The following UHRF1 variants were observed in gnomAD, a reference collection of about 807,000 sequenced individuals.
UHRF1 encodes ubiquitin like with PHD and ring finger domains 1.
In UHRF1, 9 loss-of-function variants were observed where a neutral mutation model predicts 96.5. The observed-to-expected ratio is 0.09, with a 90% CI of 0.06 to 0.16. The LOEUF (loss-of-function observed/expected upper bound fraction) is 0.16, where lower values mean the gene tolerates loss of function less well. UHRF1 is among the 10% of genes least tolerant of loss of function. The probability of loss-of-function intolerance (pLI) is 1.00; values close to 1 mark genes in which losing one functional copy is unlikely to be tolerated. For synonymous variants in UHRF1, 455 were observed against 469.9 expected (o/e 0.97, Z 0.41); for missense variants, 626 against 1,131.1 (o/e 0.55, Z 6.40).
At chr19:4,945,165 C>G (rs929802446) in intron 9 of UHRF1, among the ~76,000 whole-genome samples, 2 of 152,220 alleles carry the variant, frequency 1.3e-5, no homozygotes, top group African/African-American at 2.4e-5. Context: ...CAGGGCCTCT[C>G]AAGGCATTTT....
At chr19:4,907,954 T>C (rs1430671363), upstream of UHRF1, among the ~76,000 whole-genome samples, 1 of 151,980 alleles carries the variant, frequency 6.6e-6, no homozygotes, top group East Asian at 1.9e-4. Context: ...TCAGGTGATC[T>C]GCCTGCCTCG....
intron 2 of UHRF1, among the ~76,000 whole-genome samples, chr19:4,924,189 G>A (rs1473050420): frequency 6.6e-6 from 1 of 151,700 alleles, no homozygotes; most frequent in Non-Finnish European, 1.5e-5. Context: ...TCGCTCTGTC[G>A]CCCAGGCTGC....
At chr19:4,913,158 A>G (rs1029065896) in intron 2 of UHRF1, among the ~76,000 whole-genome samples, 2 of 152,020 alleles carry the variant, frequency 1.3e-5, no homozygotes, top group Non-Finnish European at 2.9e-5. Context: ...CATTTGTAAC[A>G]TAATACTTGA....
At chr19:4,925,692 T>C (rs2032845627) in intron 2 of UHRF1, among the ~76,000 whole-genome samples, 1 of 151,870 alleles carries the variant, frequency 6.6e-6, no homozygotes, top group South Asian at 2.1e-4. Flanking sequence ...CAGTTAAGTT[T>C]TGTATCTTTA....
upstream of UHRF1, among the ~76,000 whole-genome samples, chr19:4,906,620 G>GTGCGGACC (rs1218615094): frequency 6.6e-6 from 1 of 152,136 alleles, no homozygotes; most frequent in Non-Finnish European, 1.5e-5. Flanking sequence ...GGACATGGTG[G>GTGCGGACC]TGCGGACCTC....
chr19:4,945,722 G>C, intron 9 of UHRF1, 139 bp from the exon 10 acceptor site: 1 of 657,934 alleles, frequency 1.5e-6, no homozygotes, highest in Non-Finnish European at 2.8e-6. Flanking sequence ...AGCACACGTA[G>C]TAGGTGACTC....
At chr19:4,947,375 T>A in intron 11 of UHRF1, among the ~76,000 whole-genome samples, 164 bp downstream of exon 11, 1 of 152,050 alleles carries the variant, frequency 6.6e-6, no homozygotes, top group East Asian at 1.9e-4. Flanking sequence ...AGTGCTGGGA[T>A]TACAGGCGTG....
intron 11 of UHRF1, among the ~76,000 whole-genome samples, chr19:4,950,246 A>T (rs999601564): frequency 4.2e-5 from 6 of 143,282 alleles, no homozygotes; most frequent in African/African-American, 1.3e-4. Flanking sequence ...GAAATATTAA[A>T]TTTTTTTTTT....
At chr19:4,907,316 C>T (rs1337873137), upstream of UHRF1, among the ~76,000 whole-genome samples, 2 of 152,112 alleles carry the variant, frequency 1.3e-5, no homozygotes, top group African/African-American at 4.8e-5. Flanking sequence ...GTTGTCCAGG[C>T]TGAAGTGCAG....
rs1214097266 is a variant in UHRF1, at chr19:4,942,077, C to T, written c.1073+146C>T. The T allele has an allele frequency of 4.4e-6, 4 of 909,524 alleles. No homozygotes were observed. In the East Asian group the frequency reaches 1.2e-4, roughly 28 times the overall value. 56.3% of individuals were successfully genotyped at this position (909,524 alleles called of 1,614,324 possible). Reference sequence around the variant, plus strand: ...TTGGGAGGCCGAGGCGGGAGGATCACTTGAGCTCAGGAGTTCAAGAGCAGC... The same window carrying T: ...TTGGGAGGCCGAGGCGGGAGGATCATTTGAGCTCAGGAGTTCAAGAGCAGC... On this transcript the variant is annotated intron_variant, in intron 7 of 16. Coordinates refer to ENST00000650932, the MANE Select transcript of UHRF1 (RefSeq NM_001048201.3).
In UHRF1 at chr19:4,929,357, T is replaced by A; in HGVS notation, c.289T>A (p.Cys97Ser). ...CGAGCTCTCCGACACCGACTCCGGC[T>A]GCTGCCTGGGCCAGAGTGAGTCAGA... is the stretch of plus-strand genomic sequence containing the variant. ...DSELSDTDSGCCLGQSESDKS... is the reference protein window; with the variant it reads ...DSELSDTDSGSCLGQSESDKS... Residue 97 changes from cysteine to serine, a missense_variant, in exon 3 of 17, where the codon TGC becomes AGC. Cys to Ser is a moderately radical substitution (Grantham distance 112). Coordinates refer to ENST00000650932, the MANE Select transcript of UHRF1 (RefSeq NM_001048201.3). 1.2e-6 allele frequency: 2 copies of A among 1,613,702 alleles called. No homozygotes were observed. The highest frequency in any genetic ancestry group is 1.3e-5 in the African/African-American group (1 of 75,024).
chr19:4,932,612 A>G, intron 4 of UHRF1, 129 bp from the exon 5 acceptor site: 1 of 937,840 alleles, frequency 1.1e-6, no homozygotes, highest in South Asian at 1.6e-5. Context: ...TCTCAACACC[A>G]GCATATAAGC....
rs988362654 is a variant in UHRF1 at position 4,929,467 on chromosome 19, G to C, written c.399G>C (p.Gly133=). The C allele has an allele frequency of 6.2e-7, 1 of 1,612,698 alleles. No homozygotes were observed. The highest frequency in any genetic ancestry group is 1.7e-5 in the Admixed American group (1 of 59,872). The change falls in exon 3 of 17, where the codon GGG becomes GGC. Residue 133 remains glycine, a synonymous_variant. Transcript: ENST00000650932. The part of the protein sequence containing the change: ...DEDMWDETEL[G]LYKVNEYVDA... ...ACATGTGGGATGAGACGGAATTGGG[G>C]CTGTACAAGGTGAGCCTCCCCTCCG...
chr19:4,947,279 C>T, intron 11 of UHRF1, 68 bp downstream of exon 11: 1 of 1,428,712 alleles, frequency 7.0e-7, no homozygotes, highest in South Asian at 1.1e-5. Context: ...CTGTTTTGGG[C>T]CTCATGTCCA....
intron 2 of UHRF1, among the ~76,000 whole-genome samples, chr19:4,913,452 A>G (rs1377870884): frequency 1.3e-5 from 2 of 151,884 alleles, no homozygotes; most frequent in African/African-American, 4.8e-5. Flanking sequence ...ACGGAGTTTC[A>G]CCATGTTGGC....
chr19:4,919,545 A>G (rs1216888125), intron 2 of UHRF1, among the ~76,000 whole-genome samples: 1 of 151,004 alleles, frequency 6.6e-6, no homozygotes, highest in East Asian at 2.0e-4. Flanking sequence ...CTCATGATCC[A>G]CCCGCCTCCG....
chr19:4,918,702 C>CTG (rs1321292512), intron 2 of UHRF1, among the ~76,000 whole-genome samples: 1 of 148,256 alleles, frequency 6.7e-6, no homozygotes, highest in Non-Finnish European at 1.5e-5. Flanking sequence ...GCGTGAGCTA[C>CTG]TGTGCCCAGC....
chr19:4,945,708 G>A (rs1281999120), intron 9 of UHRF1, among the ~76,000 whole-genome samples, 153 bp from the exon 10 acceptor site: 1 of 149,684 alleles, frequency 6.7e-6, no homozygotes, highest in Non-Finnish European at 1.5e-5. Flanking sequence ...GTCTCTAGCC[G>A]AGCAGCACAC....
intron 13 of UHRF1, among the ~76,000 whole-genome samples, chr19:4,951,415 G>A (rs979932046): frequency 5.9e-5 from 9 of 152,066 alleles, no homozygotes; most frequent in East Asian, 1.9e-4. Context: ...TCTGGACCGC[G>A]CTGAACACTC....
Sources: allele counts gnomAD v4.1 joint callset (sites outside exome capture counted in the v4.1 genomes callset), GRCh38; gene constraint gnomAD v4.1.1; transcripts MANE v1.5; gene names NCBI Gene and HGNC (gene_info 2026-07-23, HGNC 2026-07-21).